Variants in ELK3 observed in about 807,000 individuals in gnomAD.
ELK3 encodes the protein ETS domain-containing protein Elk-3.
A neutral mutation model predicts 28.9 loss-of-function variants in ELK3; 10 were observed. That is an observed-to-expected ratio of 0.35 (90% CI 0.21 to 0.59). ELK3 has a LOEUF of 0.59. Among genes scored for constraint, ELK3 ranks in the 20% least tolerant of loss-of-function variants. The pLI is 0.82. For synonymous variants in ELK3, 272 were observed against 243.5 expected (o/e 1.12, Z -1.09); for missense variants, 463 against 517.3 (o/e 0.90, Z 1.02).
intron 2 of ELK3, among the ~76,000 whole-genome samples, chr12:96,246,491 C>CA (rs1472577949): frequency 6.6e-6 from 1 of 151,966 alleles, no homozygotes; most frequent in African/African-American, 2.4e-5. Flanking sequence ...GCTGTCTCCA[C>CA]AAAAAATAAA....
At chr12:96,206,623 C>CTTTA (rs1234612564) in intron 1 of ELK3, among the ~76,000 whole-genome samples, 5 of 152,150 alleles carry the variant, frequency 3.3e-5, no homozygotes, top group Non-Finnish European at 7.3e-5. Context: ...AAAAGATCCT[C>CTTTA]TAAAGCAGGA....
intron 1 of ELK3, among the ~76,000 whole-genome samples, chr12:96,199,996 A>T (rs1951498616): frequency 6.6e-6 from 1 of 152,170 alleles, no homozygotes; most frequent in Non-Finnish European, 1.5e-5. Context: ...ACAATTTCTG[A>T]ATATCCATGT....
intron 3 of ELK3, among the ~76,000 whole-genome samples, chr12:96,254,971 A>C (rs2137038736): frequency 6.6e-6 from 1 of 152,254 alleles, no homozygotes; most frequent in South Asian, 2.1e-4. Context: ...GAAGCATTGA[A>C]GGGGTATGAG....
chr12:96,231,772 C>T (rs1348779759), intron 2 of ELK3, among the ~76,000 whole-genome samples: 1 of 152,188 alleles, frequency 6.6e-6, no homozygotes, highest in Non-Finnish European at 1.5e-5. Context: ...GCATGAGCCA[C>T]AGCACCTGGC....
At chr12:96,256,815 CAAG>C (rs770578382) in intron 3 of ELK3, among the ~76,000 whole-genome samples, 4 of 152,194 alleles carry the variant, frequency 2.6e-5, no homozygotes, top group Admixed American at 1.3e-4. Context: ...CAGAGGAAGG[CAAG>C]AGGAGGAGGC....
At chr12:96,225,239 C>T (rs1455266968) in intron 2 of ELK3, among the ~76,000 whole-genome samples, 3 of 152,202 alleles carry the variant, frequency 2.0e-5, no homozygotes, top group Admixed American at 2.0e-4. Context: ...ACTCAAAAAG[C>T]ATTTTCATTG....
rs773982000 is a variant in ELK3 at position 96,247,558 on chromosome 12, C to T, written c.826C>T (p.Leu276=). 1 of 1,614,172 alleles carries T rather than the reference C, an allele frequency of 6.2e-7. No homozygotes were observed. The highest frequency in any genetic ancestry group is 1.3e-5 in the African/African-American group (1 of 75,044). ...HDSDSLEPLN[L]SSGSKTKSPS... ...CTCCGATTCCCTGGAGCCCTTGAAC[C>T]TGTCATCGGGCTCCAAGACCAAGTC... The change falls in exon 3 of 5, where the codon CTG becomes TTG. Residue 276 remains leucine, a synonymous_variant. Coordinates refer to ENST00000228741, the MANE Select transcript of ELK3 (RefSeq NM_005230.4). This position sits in a 1 kb window ranked among gnomAD's most constrained non-coding sequence, Gnocchi z 5.5.
intron 1 of ELK3, chr12:96,212,684 CT>C (rs1269790155): frequency 6.6e-6 from 1 of 152,110 alleles, no homozygotes; most frequent in Non-Finnish European, 1.5e-5. Context: ...GCTTATATTC[CT>C]TTAACCACCC....
At chr12:96,204,844 C>T (rs1288849060) in intron 1 of ELK3, among the ~76,000 whole-genome samples, 4 of 152,236 alleles carry the variant, frequency 2.6e-5, no homozygotes, top group Non-Finnish European at 5.9e-5. Flanking sequence ...GCTCATTGAA[C>T]TGGAAATGTC....
rs1220445829 is a variant in ELK3 at position 96,267,253 on chromosome 12, T to TCGTG, written c.*74_*77dup. 9 of 1,303,580 alleles carry TCGTG rather than the reference T, an allele frequency of 6.9e-6. No individual in the cohort carries two copies. The highest frequency in any genetic ancestry group is 9.6e-6 in the Non-Finnish European group (9 of 935,170). 80.8% of individuals were successfully genotyped at this position (1,303,580 alleles called of 1,614,324 possible). A position where few individuals can be genotyped will look rare whatever the true frequency, so the allele number is the denominator to read the frequency against. ...GTCCCCACGGGCTAGTTTACCTGTG[T>TCGTG]CGTGAGAAGGACATTGTGAAACTCT... On this transcript the variant is annotated 3_prime_UTR_variant, in exon 5 of 5. Coordinates refer to ENST00000228741, the MANE Select transcript of ELK3 (RefSeq NM_005230.4).
rs200537628 is a variant in ELK3, at chr12:96,247,255, C to A, written c.523C>A (p.Pro175Thr). 106 of 1,614,230 alleles carry A rather than the reference C, an allele frequency of 6.6e-5. No homozygotes were observed. The Admixed American group carries it at 1.5e-3, about 22-fold the overall frequency. The change falls in exon 3 of 5, where the codon CCC becomes ACC. Residue 175 changes from proline (P) to threonine (T), a missense_variant. Around this residue, in one of 2 missense-constraint regions of ELK3, gnomAD observed 408 missense variants for 414.8 expected, o/e 0.98. Transcript: ENST00000228741. The surrounding 1 kb of genome is among the most constrained non-coding windows in gnomAD (Gnocchi z 5.5). ...KLEEPPEDSPPVEEVRTVIRF... is the reference protein window; with the variant it reads ...KLEEPPEDSPTVEEVRTVIRF... ...GGAGGAGCCGCCCGAAGACAGCCCC[C>A]CCGTGGAAGAAGTCAGGACTGTGAT... is the stretch of plus-strand genomic sequence containing the variant.
At position 96,243,443 on chromosome 12, in the gene ELK3, T is replaced by C. The variant is rs74564892; in HGVS notation, c.208-3497T>C. Among the ~76,000 whole-genome samples the C allele has an allele frequency of 3.3e-3, 497 of 152,306 alleles. 12 individuals are homozygous for C. The highest frequency in any genetic ancestry group is 0.031 in the East Asian group (160 of 5,174). On this transcript the variant is annotated intron_variant, in intron 2 of 4. Transcript: ENST00000228741. ...TTGCAGTGAATCATAGAATAGAATATTCTATTCTATGGCTCATGCCTATAA... is the reference window on the plus strand; with the variant it reads ...TTGCAGTGAATCATAGAATAGAATACTCTATTCTATGGCTCATGCCTATAA...
chr12:96,260,603 C>T (rs894775493), intron 4 of ELK3, among the ~76,000 whole-genome samples: 4 of 152,152 alleles, frequency 2.6e-5, no homozygotes, highest in Non-Finnish European at 4.4e-5. Flanking sequence ...CTTGCAGGAC[C>T]GTCACTTGCT....
At chr12:96,253,898 T>A (rs1004307734) in intron 3 of ELK3, among the ~76,000 whole-genome samples, 3 of 152,242 alleles carry the variant, frequency 2.0e-5, no homozygotes, top group Non-Finnish European at 4.4e-5. Flanking sequence ...AAACCGTTCC[T>A]GTTCTCATGA....
chr12:96,249,985 G>A (rs966297024), intron 3 of ELK3, among the ~76,000 whole-genome samples: 4 of 152,208 alleles, frequency 2.6e-5, no homozygotes, highest in African/African-American at 9.6e-5. Context: ...TGAGGGTGGG[G>A]CTGTGATGAT....
intron 3 of ELK3, among the ~76,000 whole-genome samples, chr12:96,252,291 G>T (rs532828753): frequency 2.0e-5 from 3 of 152,304 alleles, no homozygotes; most frequent in Admixed American, 1.3e-4. Flanking sequence ...AGATATACAA[G>T]AAGATTAATA....
chr12:96,242,810 A>G (rs111497594), intron 2 of ELK3, among the ~76,000 whole-genome samples: 61 of 152,154 alleles, frequency 4.0e-4, no homozygotes, highest in African/African-American at 1.4e-3. Flanking sequence ...TTAGCCTTCG[A>G]CCCTGGCAGG....
At position 96,247,102 on chromosome 12, in the gene ELK3, C is replaced by T. The variant is rs1378420265; in HGVS notation, c.370C>T (p.His124Tyr). ...ASPEGREAHK[H>Y]GLAALRSTSR... Reference sequence around the variant, plus strand: ...TCCGGAGGGCCGCGAGGCCCACAAACACGGCCTGGCCGCCCTCAGAAGCAC... The same window carrying T: ...TCCGGAGGGCCGCGAGGCCCACAAATACGGCCTGGCCGCCCTCAGAAGCAC... The change falls in exon 3 of 5, where the codon CAC becomes TAC. Residue 124 changes from histidine to tyrosine, a missense_variant. Around this residue, in one of 2 missense-constraint regions of ELK3, gnomAD observed 408 missense variants for 414.8 expected, o/e 0.98. Transcript: ENST00000228741. The surrounding 1 kb of genome is among the most constrained non-coding windows in gnomAD (Gnocchi z 5.5). 6.2e-7 allele frequency: 1 copy of T among 1,613,468 alleles called. No individual in the cohort carries two copies. Among genetic ancestry groups the T allele is most frequent in the African/African-American group, 1.3e-5 (1 of 74,934 alleles).
chr12:96,227,727 C>T (rs938775596), intron 2 of ELK3, among the ~76,000 whole-genome samples: 7 of 152,182 alleles, frequency 4.6e-5, no homozygotes, highest in East Asian at 1.9e-4. Context: ...ATTATAATAA[C>T]GAGGTAGTTA....
Sources: allele counts gnomAD v4.1 joint callset (sites outside exome capture counted in the v4.1 genomes callset), GRCh38; gene constraint gnomAD v4.1.1; regional missense constraint gnomAD v4.1.1; non-coding constraint Gnocchi (gnomAD v3.1); transcripts MANE v1.5; gene names NCBI Gene and HGNC (gene_info 2026-07-23, HGNC 2026-07-21).